C1QL1: variants seen among roughly 807,000 people sequenced by gnomAD.
The protein encoded by C1QL1 is C1q-related factor.
In C1QL1, 15 loss-of-function variants were observed where a neutral mutation model predicts 14.2. That is an observed-to-expected ratio of 1.06 (90% CI 0.71 to 1.62). The LOEUF (loss-of-function observed/expected upper bound fraction) is 1.62, where lower values mean the gene tolerates loss of function less well. C1QL1 is among the 40% of genes most tolerant of loss of function. The pLI, the probability that C1QL1 is intolerant of heterozygous loss-of-function variation, is 0.00. For synonymous variants in C1QL1, 172 were observed against 172.4 expected, an observed-to-expected ratio of 1.00 and a Z score of 0.02; for missense variants, 346 against 380.3, an observed-to-expected ratio of 0.91 and a Z score of 0.75.
rs1334731586 is a variant in C1QL1 at position 44,960,280 on chromosome 17, C to G, written c.685G>C (p.Glu229Gln). The change falls in exon 2 of 2, where the codon GAG becomes CAG. Residue 229 changes from glutamate to glutamine, a missense_variant. By Grantham distance (29) the Glu-to-Gln change is conservative. Transcript: ENST00000253407. ...SVILHLDAGDEVFIKLDGGKA... is the reference protein window; with the variant it reads ...SVILHLDAGDQVFIKLDGGKA... ...CCTCCATCCAGCTTGATGAAGACCT[C>G]GTCGCCGGCGTCCAGGTGCAGGATC... 1 of 1,614,140 alleles carries G rather than the reference C, an allele frequency of 6.2e-7. No homozygotes were observed. Among genetic ancestry groups the G allele is most frequent in the Admixed American group, 1.7e-5 (1 of 60,022 alleles).
intron 1 of C1QL1, among the ~76,000 whole-genome samples, chr17:44,962,987 C>A (rs3024288): frequency 3.9e-5 from 6 of 152,210 alleles, no homozygotes; most frequent in African/African-American, 1.4e-4. Flanking sequence ...CCCAGGGGTC[C>A]CAATTCTCTG....
chr17:44,964,735 G>T (rs1308189669), intron 1 of C1QL1, among the ~76,000 whole-genome samples: 1 of 152,232 alleles, frequency 6.6e-6, no homozygotes, highest in Non-Finnish European at 1.5e-5. Flanking sequence ...GAGATCAAAT[G>T]AGTCTCTTGG....
At chr17:44,963,933 C>T (rs1444529647) in intron 1 of C1QL1, among the ~76,000 whole-genome samples, 1 of 152,176 alleles carries the variant, frequency 6.6e-6, no homozygotes, top group East Asian at 1.9e-4. Context: ...CTCTCCAACC[C>T]ACCTGAACTG....
intron 1 of C1QL1, among the ~76,000 whole-genome samples, chr17:44,960,671 A>G (rs535100795): frequency 1.3e-5 from 2 of 152,318 alleles, no homozygotes; most frequent in South Asian, 2.1e-4. Context: ...GAGAACCTCA[A>G]TACCTCCAGG....
intron 1 of C1QL1, among the ~76,000 whole-genome samples, chr17:44,960,846 T>C (rs1400789567): frequency 6.6e-6 from 1 of 152,216 alleles, no homozygotes; most frequent in Non-Finnish European, 1.5e-5. Context: ...GGGCACACCT[T>C]GGCCCCACAG....
At position 44,967,291 on chromosome 17, in the gene C1QL1, C is replaced by T. The variant is rs2143028898; in HGVS notation, c.597+161G>A. On this transcript the variant is annotated intron_variant, in intron 1 of 1. Transcript: ENST00000253407. This position sits in a 1 kb window ranked among gnomAD's most constrained non-coding sequence, Gnocchi z 7.0. ...TGAGGATCGGCGATGTCCGCTGGCTCCGACCATCCCCACACGTGATGACCA... is the reference window on the plus strand; with the variant it reads ...TGAGGATCGGCGATGTCCGCTGGCTTCGACCATCCCCACACGTGATGACCA... Among the ~76,000 whole-genome samples the T allele has an allele frequency of 6.6e-6, 1 of 152,326 alleles. No homozygotes were observed. The highest frequency in any genetic ancestry group is 1.9e-4 in the East Asian group (1 of 5,166).
At chr17:44,960,776 C>A (rs1214853649) in intron 1 of C1QL1, among the ~76,000 whole-genome samples, 1 of 152,236 alleles carries the variant, frequency 6.6e-6, no homozygotes, top group Admixed American at 6.5e-5. Context: ...TCTCTGCTTT[C>A]ATAATGATGC....
Position 44,960,224 on chromosome 17 carries a change from G to GT in C1QL1, c.740dup (p.Tyr247Ter). The part of the protein sequence containing the change: ...GKAHGGNSNK[Y>*]STFSGFIIYS... ...AGATGATGAAGCCAGAGAACGTGCTGTATTTGTTGCTGTTGCCGCCGTGTG... is the reference window on the plus strand; with the variant it reads ...AGATGATGAAGCCAGAGAACGTGCTGTTATTTGTTGCTGTTGCCGCCGTGTG... Residue 247 changes from tyrosine to a stop codon, truncating the protein, a stop_gained and frameshift_variant, in exon 2 of 2, where the codon TAC becomes TAAC. Coordinates refer to ENST00000253407, the MANE Select transcript of C1QL1 (RefSeq NM_006688.5). LOFTEE classifies it high-confidence loss of function. The GT allele has an allele frequency of 6.2e-7, 1 of 1,614,208 alleles. No individual in the cohort carries two copies. The highest frequency in any genetic ancestry group is 1.1e-5 in the South Asian group (1 of 91,084).
chr17:44,963,331 G>T lies in C1QL1; in HGVS notation c.598-2964C>A, dbSNP rs1351188129. Among the ~76,000 whole-genome samples the T allele has an allele frequency of 6.0e-3, 909 of 152,278 alleles. 7 individuals are homozygous for T. The highest frequency in any genetic ancestry group is 0.021 in the African/African-American group (877 of 41,544). ...CATTAACTGCATTCCCACTGTGCCA[G>T]GCACTGTGCTCTGTGTTGTGAAAGG... On this transcript the variant is annotated intron_variant, in intron 1 of 1. Transcript: ENST00000253407.
In C1QL1 at chr17:44,967,369, C is replaced by A; in HGVS notation, c.597+83G>T. The A allele has an allele frequency of 7.0e-7, 1 of 1,426,426 alleles. No homozygotes were observed. Among genetic ancestry groups the A allele is most frequent in the Non-Finnish European group, 9.6e-7 (1 of 1,045,898 alleles). 88.4% of individuals were successfully genotyped at this position (1,426,426 alleles called of 1,614,324 possible). On this transcript the variant is annotated intron_variant, in intron 1 of 1. Coordinates refer to ENST00000253407, the MANE Select transcript of C1QL1 (RefSeq NM_006688.5). The surrounding 1 kb of genome is among the most constrained non-coding windows in gnomAD (Gnocchi z 7.0). ...CACCTGCGTCCGCCTGGCGCCCCCGCCAACTCCGATCAGGTACCCATTTGC... is the reference window on the plus strand; with the variant it reads ...CACCTGCGTCCGCCTGGCGCCCCCGACAACTCCGATCAGGTACCCATTTGC...
Position 44,967,364 on chromosome 17 carries a change from C to T in C1QL1, c.597+88G>A. 2 of 1,378,476 alleles carry T rather than the reference C, an allele frequency of 1.5e-6. No homozygotes were observed. The highest frequency in any genetic ancestry group is 4.9e-5 in the East Asian group (2 of 40,712). The allele number at this position is 1,378,476 out of a possible 1,614,324, so 85.4% of individuals were successfully genotyped here. A position where few individuals can be genotyped will look rare whatever the true frequency, so the allele number is the denominator to read the frequency against. The stretch of plus-strand genomic sequence containing the variant: ...ATCTCCACCTGCGTCCGCCTGGCGC[C>T]CCCGCCAACTCCGATCAGGTACCCA... On this transcript the variant is annotated intron_variant, in intron 1 of 1. Transcript: ENST00000253407. This position sits in a 1 kb window ranked among gnomAD's most constrained non-coding sequence, Gnocchi z 7.0.
chr17:44,960,285 C>T lies in C1QL1; in HGVS notation c.680G>A (p.Gly227Asp). Residue 227 changes from glycine (G) to aspartate (D), a missense_variant, in exon 2 of 2, where the codon GGC (glycine) becomes GAC (aspartate). Coordinates refer to ENST00000253407, the MANE Select transcript of C1QL1 (RefSeq NM_006688.5). ...ATCCAGCTTGATGAAGACCTCGTCG[C>T]CGGCGTCCAGGTGCAGGATCACGCT... ...SNSVILHLDA[G>D]DEVFIKLDGG... 1 of 1,614,196 alleles carries T rather than the reference C, an allele frequency of 6.2e-7. No individual in the cohort carries two copies. Among genetic ancestry groups the T allele is most frequent in the Non-Finnish European group, 8.5e-7 (1 of 1,180,014 alleles).
At position 44,966,212 on chromosome 17, in the gene C1QL1, GAGA is replaced by G. The variant is rs753695808; in HGVS notation, c.597+1237_597+1239del. 3.9e-5 allele frequency among the ~76,000 whole-genome samples: 6 copies of G among 152,212 alleles called. No individual in the cohort carries two copies. In the East Asian group the frequency reaches 9.6e-4, roughly 24 times the overall value. ...CGGGGCAGCAGCCAGGCAGAGGAAA[GAGA>G]AGAAGGGCTGACTTATAAGCACCTG... is the stretch of plus-strand genomic sequence containing the variant. On this transcript the variant is annotated intron_variant, in intron 1 of 1. Transcript: ENST00000253407.
rs776746839 is a variant in C1QL1 at position 44,967,549 on chromosome 17, G to A, written c.500C>T (p.Thr167Met). The change falls in exon 1 of 2, where the codon ACG becomes ATG. Residue 167 changes from threonine (T) to methionine (M), a missense_variant. Thr to Met is a moderately conservative substitution (Grantham distance 81, BLOSUM62 -1). Coordinates refer to ENST00000253407, the MANE Select transcript of C1QL1 (RefSeq NM_006688.5). The surrounding 1 kb of genome is among the most constrained non-coding windows in gnomAD (Gnocchi z 7.0). The part of the protein sequence containing the change: ...NNYDAASGKF[T>M]CNIPGTYFFT... ...AAAGTAGGTGCCGGGAATGTTGCAC[G>A]TAAACTTGCCGCTGGCCGCGTCGTA... The A allele has an allele frequency of 1.9e-6, 3 of 1,614,114 alleles. No homozygotes were observed. In the Admixed American group the frequency reaches 5.0e-5, roughly 27 times the overall value.
intron 1 of C1QL1, among the ~76,000 whole-genome samples, chr17:44,965,900 TA>T (rs1439918851): frequency 2.5e-4 from 38 of 152,278 alleles, no homozygotes; most frequent in African/African-American, 8.7e-4. Context: ...TGGTGATTAA[TA>T]GGGGGAATCA....
At chr17:44,966,036 G>A (rs1448674753) in intron 1 of C1QL1, among the ~76,000 whole-genome samples, 1 of 152,226 alleles carries the variant, frequency 6.6e-6, no homozygotes, top group Non-Finnish European at 1.5e-5. Flanking sequence ...AGACATACAA[G>A]GAATAGAGAA....
intron 1 of C1QL1, among the ~76,000 whole-genome samples, chr17:44,966,409 G>A (rs1292167222): frequency 2.6e-5 from 4 of 152,206 alleles, no homozygotes; most frequent in African/African-American, 7.2e-5. Flanking sequence ...CTCAGCTTTA[G>A]TTCTGACCAG....
chr17:44,960,504 C>A, intron 1 of C1QL1, 137 bp from the exon 2 acceptor site: 1 of 637,442 alleles, frequency 1.6e-6, no homozygotes. Context: ...TGCCACGCTC[C>A]CCCTCCCCCG....
rs929617396 is a variant in C1QL1, at chr17:44,960,114, G to A, written c.*74C>T. The A allele has an allele frequency of 1.4e-5, 19 of 1,375,504 alleles. No homozygotes were observed. The highest frequency in any genetic ancestry group is 2.3e-5 in the East Asian group (1 of 43,604). The allele number at this position is 1,375,504 out of a possible 1,614,324, so 85.2% of individuals were successfully genotyped here. The stretch of plus-strand genomic sequence containing the variant: ...CGGGCAGCGAGCGGGTGGGCGAGGG[G>A]CGAGTCATCGTCTGCCCCGCCCGGA... On this transcript the variant is annotated 3_prime_UTR_variant, in exon 2 of 2. Transcript: ENST00000253407.
Sources: allele counts gnomAD v4.1 joint callset (sites outside exome capture counted in the v4.1 genomes callset), GRCh38; gene constraint gnomAD v4.1.1; non-coding constraint Gnocchi (gnomAD v3.1); transcripts MANE v1.5; gene names NCBI Gene and HGNC (gene_info 2026-07-23, HGNC 2026-07-21).